Variants in SLC25A20 observed in about 807,000 individuals in gnomAD.
SLC25A20 encodes the protein solute carrier family 25 member 20.
A neutral mutation model predicts 39.7 loss-of-function variants in SLC25A20; 29 were observed. That is an observed-to-expected ratio of 0.73 (90% CI 0.54 to 1.00). The LOEUF (loss-of-function observed/expected upper bound fraction) is 1.00, where lower values mean the gene tolerates loss of function less well. Among genes scored for constraint, SLC25A20 ranks in the 50% least tolerant of loss-of-function variants. The pLI, the probability that SLC25A20 is intolerant of heterozygous loss-of-function variation, is 0.00. For synonymous variants in SLC25A20, 103 were observed against 142.2 expected (o/e 0.72, Z 1.96); for missense variants, 333 against 379.9 (o/e 0.88, Z 1.03).
chr3:48,891,456 A>G (rs1480226539), intron 2 of SLC25A20, among the ~76,000 whole-genome samples: 2 of 151,910 alleles, frequency 1.3e-5, no homozygotes, highest in Non-Finnish European at 2.9e-5. Context: ...TGCAAACTCT[A>G]CCTCCTGGTG....
At chr3:48,897,767 G>A (rs1461596081) in intron 1 of SLC25A20, among the ~76,000 whole-genome samples, 1 of 151,988 alleles carries the variant, frequency 6.6e-6, no homozygotes, top group African/African-American at 2.4e-5. Flanking sequence ...CCCCTCACAT[G>A]GGCTTCCAAT....
chr3:48,858,572 C>T lies in SLC25A20; in HGVS notation c.778G>A (p.Glu260Lys). The T allele has an allele frequency of 6.2e-7, 1 of 1,614,160 alleles. No individual in the cohort carries two copies. Among genetic ancestry groups the T allele is most frequent in the Non-Finnish European group, 8.5e-7 (1 of 1,180,000 alleles). ...CCTTTGTACAAGGATGTGACTCCTT[C>T]ATCCCGGATCAGCTCCCTCAGCACA... The part of the protein sequence containing the change: ...RDVLRELIRD[E>K]GVTSLYKGFN... The change falls in exon 8 of 9, where the codon GAA (glutamate) becomes AAA (lysine). Residue 260 changes from glutamate (E) to lysine (K), a missense_variant. Physicochemically the swap from Glu to Lys is moderately conservative, Grantham distance 56. Transcript: ENST00000319017.
chr3:48,880,948 A>G (rs1042215298), intron 3 of SLC25A20, among the ~76,000 whole-genome samples: 5 of 152,274 alleles, frequency 3.3e-5, no homozygotes, highest in African/African-American at 1.2e-4. Flanking sequence ...GCATTTCAAC[A>G]GAGTTCCACA....
In SLC25A20 at chr3:48,894,812, ATTTTGTTTTG is replaced by A. The variant is rs1279538952; in HGVS notation, c.106-2750_106-2741del. ...GTTACTTCTGCAGTCTTTTTCCTGAATTTTGTTTTGTTTTGTTTTGTTTTGAGACAGAGTT... is the reference window on the plus strand; with the variant it reads ...GTTACTTCTGCAGTCTTTTTCCTGAATTTTGTTTTGTTTTGAGACAGAGTT... On this transcript the variant is annotated intron_variant, in intron 1 of 8. Transcript: ENST00000319017. 2.6e-5 allele frequency among the ~76,000 whole-genome samples: 4 copies of A among 151,978 alleles called. No individual in the cohort carries two copies. The East Asian group carries it at 5.8e-4, about 22-fold the overall frequency.
rs145573028 is a variant in SLC25A20 at position 48,884,061 on chromosome 3, C to T, written c.262G>A (p.Val88Met). ...PIIGVTPMFA[V>M]CFFGFGLGKK... ...CCCAAACCAAACCCAAAGAAGCACA[C>T]GGCAAACATGGGAGTGACCCCGATG... Residue 88 changes from valine to methionine, a missense_variant, in exon 3 of 9, where the codon GTG becomes ATG. Physicochemically the swap from Val to Met is conservative, Grantham distance 21. Coordinates refer to ENST00000319017, the MANE Select transcript of SLC25A20 (RefSeq NM_000387.6). 14 of 1,613,820 alleles carry T rather than the reference C, an allele frequency of 8.7e-6. No homozygotes were observed. Among genetic ancestry groups the T allele is most frequent in the African/African-American group, 6.7e-5 (5 of 74,908 alleles).
At chr3:48,868,736 A>G (rs2083689768) in intron 4 of SLC25A20, among the ~76,000 whole-genome samples, 1 of 152,192 alleles carries the variant, frequency 6.6e-6, no homozygotes, top group African/African-American at 2.4e-5. Flanking sequence ...CCATTTAAAA[A>G]GCTGTGGCCC....
At chr3:48,891,092 C>T (rs1011091478) in intron 2 of SLC25A20, among the ~76,000 whole-genome samples, 5 of 152,112 alleles carry the variant, frequency 3.3e-5, no homozygotes, top group Non-Finnish European at 7.4e-5. Context: ...TTCTTATGAT[C>T]TCTCATCTCC....
chr3:48,875,910 CAGGAGCCTGAGGTA>C (rs1428551157), intron 4 of SLC25A20, among the ~76,000 whole-genome samples: 1 of 152,104 alleles, frequency 6.6e-6, no homozygotes, highest in Non-Finnish European at 1.5e-5. Context: ...CTCAGATACT[CAGGAGCCTGAGGTA>C]AGAATGGCTT....
chr3:48,879,053 T>C (rs550550101), intron 4 of SLC25A20, among the ~76,000 whole-genome samples: 2 of 152,102 alleles, frequency 1.3e-5, no homozygotes, highest in South Asian at 4.1e-4. Flanking sequence ...GTATTTTTAG[T>C]AGAGACGGGG....
chr3:48,872,792 T>G (rs1000222156), intron 4 of SLC25A20, among the ~76,000 whole-genome samples: 1 of 151,264 alleles, frequency 6.6e-6, no homozygotes, highest in African/African-American at 2.4e-5. Context: ...GAGCCCAGGA[T>G]GCTGAGGCTG....
chr3:48,872,109 G>A lies in SLC25A20; in HGVS notation c.417+7249C>T, dbSNP rs146702873. ...CTCTCAAAGTCCTGGGATCACAGGTGTGAGCCACTCTGCCTGGCCTGCCCA... is the reference window on the plus strand; with the variant it reads ...CTCTCAAAGTCCTGGGATCACAGGTATGAGCCACTCTGCCTGGCCTGCCCA... On this transcript the variant is annotated intron_variant, in intron 4 of 8. Transcript: ENST00000319017. Among the ~76,000 whole-genome samples, 210 of 148,250 alleles carry A rather than the reference G, an allele frequency of 1.4e-3. 5 individuals are homozygous for A. In the East Asian group the frequency reaches 0.036, roughly 26 times the overall value.
chr3:48,888,227 A>G (rs1309063668), intron 2 of SLC25A20, among the ~76,000 whole-genome samples: 1 of 150,456 alleles, frequency 6.6e-6, no homozygotes, highest in Non-Finnish European at 1.5e-5. Flanking sequence ...AAAAAAAAAA[A>G]AAGAAGGGTA....
chr3:48,866,833 G>A (rs1391901731), intron 4 of SLC25A20, among the ~76,000 whole-genome samples: 1 of 151,686 alleles, frequency 6.6e-6, no homozygotes, highest in African/African-American at 2.4e-5. Flanking sequence ...TAATCTTCTA[G>A]CCCAGACTGG....
chr3:48,870,277 T>C (rs2083703618), intron 4 of SLC25A20, among the ~76,000 whole-genome samples: 4 of 152,166 alleles, frequency 2.6e-5, no homozygotes, highest in South Asian at 2.1e-4. Flanking sequence ...GGCATGAACC[T>C]GTAGTCCCAG....
At chr3:48,864,347 CAAAAAAA>C (rs55843120) in intron 4 of SLC25A20, among the ~76,000 whole-genome samples, 1 of 48,060 alleles carries the variant, frequency 2.1e-5, no homozygotes, top group South Asian at 1.2e-3. Flanking sequence ...GACTCTGTCT[CAAAAAAA>C]AAAAAAAAAA....
intron 2 of SLC25A20, among the ~76,000 whole-genome samples, chr3:48,889,579 TTTTTTC>T (rs1286250367): frequency 6.7e-6 from 1 of 150,086 alleles, no homozygotes; most frequent in Admixed American, 6.7e-5. Flanking sequence ...GTACATTTTC[TTTTTTC>T]TTTTTCTTTT....
chr3:48,859,126 G>T lies in SLC25A20; in HGVS notation c.684C>A (p.Ile228=). The change falls in exon 7 of 9, where the codon ATC becomes ATA. Residue 228 remains isoleucine, a synonymous_variant. Transcript: ENST00000319017. ...ATCGAGACTTGAGCACATCTGGGGG[G>T]ATTGCCACAGCCCAGTTGAAGATCC... ...IAGIFNWAVA[I]PPDVLKSRFQ... is the part of the protein sequence containing the mutation. 6.2e-7 allele frequency: 1 copy of T among 1,614,018 alleles called. No homozygotes were observed. Among genetic ancestry groups the T allele is most frequent in the Non-Finnish European group, 8.5e-7 (1 of 1,180,000 alleles).
intron 4 of SLC25A20, among the ~76,000 whole-genome samples, chr3:48,866,505 G>A (rs972666051): frequency 1.3e-5 from 2 of 151,730 alleles, no homozygotes; most frequent in Non-Finnish European, 2.9e-5. Flanking sequence ...AGTGAGCCGA[G>A]ATTATGCCAC....
At chr3:48,876,671 C>T (rs1278201961) in intron 4 of SLC25A20, among the ~76,000 whole-genome samples, 2 of 151,564 alleles carry the variant, frequency 1.3e-5, no homozygotes, top group Non-Finnish European at 2.9e-5. Flanking sequence ...GTGATCCACC[C>T]GCCTCGACCT....
Sources: allele counts gnomAD v4.1 joint callset (sites outside exome capture counted in the v4.1 genomes callset), GRCh38; gene constraint gnomAD v4.1.1; transcripts MANE v1.5; gene names NCBI Gene and HGNC (gene_info 2026-07-23, HGNC 2026-07-21).